The following UBOX5 variants were observed in gnomAD, a reference collection of about 807,000 sequenced individuals.
The protein encoded by UBOX5 is RING finger protein 37.
Under a neutral mutation model 39.0 loss-of-function variants are expected in UBOX5, and 28 were observed. That is an observed-to-expected ratio of 0.72 (90% CI 0.53 to 0.98). The LOEUF is 0.98. Ranked by LOEUF, UBOX5 falls within the 50% of genes least tolerant of loss-of-function variation. UBOX5 has a pLI of 0.00. For missense variants in UBOX5, 585 were observed against 674.4 expected (o/e 0.87, Z 1.47); for synonymous variants, 283 against 275.5 (o/e 1.03, Z -0.27).
chr20:3,109,642 G>A lies in UBOX5; in HGVS notation c.*464C>T, dbSNP rs954370095. On this transcript the variant is annotated 3_prime_UTR_variant, in exon 5 of 5. Coordinates refer to ENST00000217173, the MANE Select transcript of UBOX5 (RefSeq NM_014948.4). ...TCAACCATCGCTTTATTAAGGCTGC[G>A]AGTCGGGGGGCTGAGTCATGCACTC... is the stretch of plus-strand genomic sequence containing the variant. The A allele has an allele frequency of 1.1e-5, 2 of 182,494 alleles. No individual in the cohort carries two copies. The highest frequency in any genetic ancestry group is 2.3e-5 in the African/African-American group (1 of 42,618). 11.3% of individuals were successfully genotyped at this position (182,494 alleles called of 1,614,324 possible).
intron 4 of UBOX5, among the ~76,000 whole-genome samples, chr20:3,111,492 G>A (rs1392819427): frequency 6.6e-6 from 1 of 151,910 alleles, no homozygotes; most frequent in South Asian, 2.1e-4. Flanking sequence ...CCAACTTTCG[G>A]GACAGTCAAG....
At chr20:3,155,259 G>A (rs2122129138) in intron 1 of UBOX5, among the ~76,000 whole-genome samples, 1 of 152,146 alleles carries the variant, frequency 6.6e-6, no homozygotes, top group South Asian at 2.1e-4. Context: ...GCTGGGCACA[G>A]CGGCTCAAGT....
At chr20:3,120,232 A>C (rs951641579) in intron 3 of UBOX5, among the ~76,000 whole-genome samples, 2 of 151,422 alleles carry the variant, frequency 1.3e-5, no homozygotes, top group Non-Finnish European at 2.9e-5. Context: ...CTGTAATCCC[A>C]GCTACTCCAG....
chr20:3,150,802 G>A (rs1028443126), intron 1 of UBOX5: 1 of 152,194 alleles, frequency 6.6e-6, no homozygotes, highest in African/African-American at 2.4e-5. Flanking sequence ...AGGAACATAT[G>A]TATGAATTTC....
intron 1 of UBOX5, chr20:3,147,147 A>C (rs373759979): frequency 6.2e-7 from 1 of 1,613,830 alleles, no homozygotes; most frequent in Non-Finnish European, 8.5e-7. Flanking sequence ...TTGCCCTGGA[A>C]ATGTCCTCTT....
intron 1 of UBOX5, among the ~76,000 whole-genome samples, chr20:3,144,557 T>G (rs889298134): frequency 6.6e-6 from 1 of 152,150 alleles, no homozygotes; most frequent in Non-Finnish European, 1.5e-5. Flanking sequence ...TCCCTGACCT[T>G]GGACTTGGCA....
chr20:3,145,450 T>C (rs1408452046), intron 1 of UBOX5, among the ~76,000 whole-genome samples: 1 of 151,396 alleles, frequency 6.6e-6, no homozygotes, highest in East Asian at 1.9e-4. Flanking sequence ...CCTTTTTTTT[T>C]TTTTTTTGAG....
At chr20:3,114,232 G>A (rs1006708104) in intron 4 of UBOX5, among the ~76,000 whole-genome samples, 20 of 152,266 alleles carry the variant, frequency 1.3e-4, no homozygotes, top group African/African-American at 3.6e-4. Flanking sequence ...GACAGTTGCC[G>A]GAGATGTGAG....
At chr20:3,114,529 CTCTT>C (rs1458127756) in intron 4 of UBOX5, among the ~76,000 whole-genome samples, 2 of 152,140 alleles carry the variant, frequency 1.3e-5, no homozygotes, top group African/African-American at 4.8e-5. Flanking sequence ...GCTGCCACTG[CTCTT>C]TCTAAGACAC....
At chr20:3,155,715 A>C (rs2066677153) in intron 1 of UBOX5, among the ~76,000 whole-genome samples, 1 of 152,252 alleles carries the variant, frequency 6.6e-6, no homozygotes. Flanking sequence ...TTAATAGATA[A>C]GGAAAATGTT....
chr20:3,158,737 G>A (rs13041542), intron 1 of UBOX5, among the ~76,000 whole-genome samples: 40,384 of 152,138 alleles, frequency 0.27, 6,395 homozygotes, highest in Non-Finnish European at 0.35. Flanking sequence ...ACCTCCCAAA[G>A]TGCTGGGATT....
chr20:3,150,279 C>T (rs1017209538), intron 1 of UBOX5, among the ~76,000 whole-genome samples: 2 of 152,154 alleles, frequency 1.3e-5, no homozygotes, highest in Admixed American at 1.3e-4. Context: ...TGAGGGTCTG[C>T]TCACTGTCAC....
Position 3,108,292 on chromosome 20 carries a change from G to A in UBOX5, c.*1814C>T, listed in dbSNP as rs41281238. 0.063 allele frequency: 9,627 copies of A among 152,358 alleles called. 392 individuals carry two copies. Among genetic ancestry groups the A allele is most frequent in the Non-Finnish European group, 0.093 (6,352 of 68,094 alleles). 9.4% of individuals were successfully genotyped at this position (152,358 alleles called of 1,614,324 possible). A position where few individuals can be genotyped will look rare whatever the true frequency, so the allele number is the denominator to read the frequency against. ...CCAGCTAATTTTTGTATTTTTAGTAGAGATGGGGTTTTGCCATGTTGGCCA... is the reference window on the plus strand; with the variant it reads ...CCAGCTAATTTTTGTATTTTTAGTAAAGATGGGGTTTTGCCATGTTGGCCA... On this transcript the variant is annotated 3_prime_UTR_variant, in exon 5 of 5. Coordinates refer to ENST00000217173, the MANE Select transcript of UBOX5 (RefSeq NM_014948.4).
chr20:3,127,250 G>C (rs1324349715), intron 1 of UBOX5, among the ~76,000 whole-genome samples: 1 of 152,000 alleles, frequency 6.6e-6, no homozygotes, highest in Non-Finnish European at 1.5e-5. Context: ...ATGTAAAATT[G>C]TTAGCCCGAC....
intron 1 of UBOX5, chr20:3,150,482 T>C (rs2066613260): frequency 6.6e-6 from 1 of 152,222 alleles, no homozygotes; most frequent in Admixed American, 6.5e-5. Flanking sequence ...ACTATGAAAT[T>C]GATTCTGCTG....
intron 4 of UBOX5, 46 bp from the exon 5 acceptor site, chr20:3,110,360 C>G: frequency 6.2e-7 from 1 of 1,607,790 alleles, no homozygotes. Flanking sequence ...GAAAGCTGCT[C>G]CATGGTCCAG....
chr20:3,148,097 A>C, intron 1 of UBOX5: 1 of 1,614,122 alleles, frequency 6.2e-7, no homozygotes, highest in East Asian at 2.2e-5. Flanking sequence ...TGATTTAAAG[A>C]ACCCCAAACA....
chr20:3,139,262 G>C (rs1047427921), intron 1 of UBOX5, among the ~76,000 whole-genome samples: 7 of 152,190 alleles, frequency 4.6e-5, no homozygotes, highest in East Asian at 1.9e-4. Flanking sequence ...AAAAAAACCA[G>C]AACACAGGTT....
chr20:3,142,027 C>CT lies in UBOX5; in HGVS notation c.-42+17738dup, dbSNP rs747172577. 7.8e-4 allele frequency among the ~76,000 whole-genome samples: 104 copies of CT among 133,866 alleles called. 1 individual carries two copies. Among genetic ancestry groups the CT allele is most frequent in the Middle Eastern group, 4.0e-3 (1 of 248 alleles). 87.8% of individuals were successfully genotyped at this position (133,866 alleles called of 152,430 possible). On this transcript the variant is annotated intron_variant, in intron 1 of 4. Transcript: ENST00000217173. ...GACCCTTTTTCTTTTCTTTTCTTTT[C>CT]TTTTTTTTTTGCCTCAGCTACTTGG...
Sources: allele counts gnomAD v4.1 joint callset (sites outside exome capture counted in the v4.1 genomes callset), GRCh38; gene constraint gnomAD v4.1.1; transcripts MANE v1.5; gene names NCBI Gene and HGNC (gene_info 2026-07-23, HGNC 2026-07-21).